RHBDL2: variants seen among roughly 807,000 people sequenced by gnomAD.
RHBDL2 encodes rhomboid-related protein 2.
In RHBDL2, 26 loss-of-function variants were observed where a neutral mutation model predicts 31.7. That is an observed-to-expected ratio of 0.82 (90% CI 0.60 to 1.14). The LOEUF (loss-of-function observed/expected upper bound fraction) is 1.14, where lower values mean the gene tolerates loss of function less well. Ranked by LOEUF, RHBDL2 falls within the 50% of genes most tolerant of loss-of-function variation. The pLI, the probability that RHBDL2 is intolerant of heterozygous loss-of-function variation, is 0.00. For missense variants in RHBDL2, 336 were observed against 364.4 expected (o/e 0.92, Z 0.63); for synonymous variants, 123 against 127.2 (o/e 0.97, Z 0.22).
intron 1 of RHBDL2, among the ~76,000 whole-genome samples, chr1:38,928,472 G>A (rs1321587372): frequency 1.3e-5 from 2 of 150,126 alleles, no homozygotes; most frequent in Non-Finnish European, 3.0e-5. Flanking sequence ...TTGAGACAGA[G>A]TTTCGCTCTT....
At chr1:38,922,769 G>T (rs1171516974) in intron 1 of RHBDL2, among the ~76,000 whole-genome samples, 1 of 151,032 alleles carries the variant, frequency 6.6e-6, no homozygotes, top group Non-Finnish European at 1.5e-5. Context: ...AATTTCTGAG[G>T]AAATATTACC....
rs141262588 is a variant in RHBDL2, at chr1:38,899,320, G to A, written c.509-3251C>T. Among the ~76,000 whole-genome samples the A allele has an allele frequency of 9.2e-5, 14 of 152,288 alleles. No homozygotes were observed. In the East Asian group the frequency reaches 1.9e-3, roughly 21 times the overall value. On this transcript the variant is annotated intron_variant, in intron 4 of 7. Transcript: ENST00000372990. The stretch of plus-strand genomic sequence containing the variant: ...GGGGCCAGGCAATCAGGGGCATGTC[G>A]CTAAGGTCAAAGGTGGGGCAGACCT...
At chr1:38,923,712 C>T (rs1228345111) in intron 1 of RHBDL2, among the ~76,000 whole-genome samples, 1 of 152,196 alleles carries the variant, frequency 6.6e-6, no homozygotes. Context: ...AACATCTGTC[C>T]ATTCATTTAC....
In RHBDL2 at chr1:38,899,749, C is replaced by T. The variant is rs561376244; in HGVS notation, c.509-3680G>A. ...GCCATCAAGGCCACCTGCCAACAGC[C>T]GAGAGCTGAGCTGCTGTGTTCCTGG... On this transcript the variant is annotated intron_variant, in intron 4 of 7. Transcript: ENST00000372990. Among the ~76,000 whole-genome samples, 229 of 152,342 alleles carry T rather than the reference C, an allele frequency of 1.5e-3. 2 individuals are homozygous for T. Among genetic ancestry groups the T allele is most frequent in the African/African-American group, 5.1e-3 (211 of 41,592 alleles).
At chr1:38,931,394 G>A (rs763384758) in intron 1 of RHBDL2, among the ~76,000 whole-genome samples, 93 of 152,168 alleles carry the variant, frequency 6.1e-4, no homozygotes, top group Non-Finnish European at 9.3e-4. Context: ...GTTGGCGGGC[G>A]CCTGTAGTCA....
Position 38,915,642 on chromosome 1 carries a change from G to A in RHBDL2, c.315C>T (p.Ile105=), listed in dbSNP as rs1169874572. 1.2e-6 allele frequency: 2 copies of A among 1,614,124 alleles called. No individual in the cohort carries two copies. The highest frequency in any genetic ancestry group is 2.2e-5 in the South Asian group (2 of 91,076). Residue 105 remains isoleucine, a synonymous_variant, in exon 3 of 8, where the codon ATC becomes ATT. Coordinates refer to ENST00000372990, the MANE Select transcript of RHBDL2 (RefSeq NM_017821.5). ...QKQWITLDTG[I]LESPFIYSPE... ...GACTGTAGATAAAGGGACTCTCCAA[G>A]ATGCCTGTGTCCAACGTGATCCACT... is the stretch of plus-strand genomic sequence containing the variant.
intron 1 of RHBDL2, among the ~76,000 whole-genome samples, chr1:38,933,710 C>G (rs1219440596): frequency 6.8e-6 from 1 of 146,860 alleles, no homozygotes; most frequent in Non-Finnish European, 1.5e-5. Flanking sequence ...AGTGTCATAC[C>G]TCACAGGTCT....
chr1:38,909,195 T>C (rs1643109622), intron 4 of RHBDL2, among the ~76,000 whole-genome samples: 1 of 152,036 alleles, frequency 6.6e-6, no homozygotes, highest in South Asian at 2.1e-4. Context: ...CAGGGTGGTA[T>C]TGGAAAATGC....
intron 6 of RHBDL2, among the ~76,000 whole-genome samples, chr1:38,888,249 T>C (rs1440755926): frequency 1.3e-5 from 2 of 152,130 alleles, no homozygotes; most frequent in South Asian, 2.1e-4. Context: ...CCAACAAGCA[T>C]TCATTGTCCT....
In RHBDL2 at chr1:38,911,442, G is replaced by C; in HGVS notation, c.396-8C>G. On this transcript the variant is annotated splice_polypyrimidine_tract_variant and splice_region_variant and intron_variant, in intron 3 of 7. Coordinates refer to ENST00000372990, the MANE Select transcript of RHBDL2 (RefSeq NM_017821.5). The stretch of plus-strand genomic sequence containing the variant: ...CCCAAGATGTGCTGAACTCTGCAAA[G>C]ACAAACAATAGTTGTCAAATATTAT... The C allele has an allele frequency of 6.3e-7, 1 of 1,578,342 alleles. No individual in the cohort carries two copies. Among genetic ancestry groups the C allele is most frequent in the Non-Finnish European group, 8.7e-7 (1 of 1,147,502 alleles).
intron 6 of RHBDL2, among the ~76,000 whole-genome samples, chr1:38,892,612 T>C (rs1480253914): frequency 1.3e-5 from 2 of 152,210 alleles, no homozygotes; most frequent in Non-Finnish European, 2.9e-5. Context: ...TGTTAGTGTC[T>C]GGGAAATGTG....
At chr1:38,908,141 C>G (rs965613655) in intron 4 of RHBDL2, among the ~76,000 whole-genome samples, 1 of 135,546 alleles carries the variant, frequency 7.4e-6, no homozygotes, top group Non-Finnish European at 1.6e-5. Flanking sequence ...CAATGCATCT[C>G]AGAATGTTCC....
At chr1:38,895,532 G>A (rs999923591) in intron 5 of RHBDL2, among the ~76,000 whole-genome samples, 3 of 152,106 alleles carry the variant, frequency 2.0e-5, no homozygotes, top group Non-Finnish European at 2.9e-5. Flanking sequence ...AGCTAGGTGC[G>A]GCAGCTCACG....
intron 4 of RHBDL2, among the ~76,000 whole-genome samples, chr1:38,905,181 C>A (rs2124317713): frequency 6.6e-6 from 1 of 151,302 alleles, no homozygotes; most frequent in South Asian, 2.1e-4. Flanking sequence ...CACCTGAGAT[C>A]AGGAGTTCGA....
chr1:38,925,995 A>G, intron 1 of RHBDL2: 1 of 1,272,954 alleles, frequency 7.9e-7, no homozygotes, highest in Non-Finnish European at 1.0e-6. Context: ...AAAGACTTCC[A>G]GTGGATTCTT....
At chr1:38,926,952 A>G (rs1643384437) in intron 1 of RHBDL2, 1 of 152,416 alleles carries the variant, frequency 6.6e-6, no homozygotes, top group Non-Finnish European at 1.5e-5. Context: ...GATGACACGC[A>G]AATTCGTGAA....
At chr1:38,897,588 G>A (rs1021415459) in intron 4 of RHBDL2, among the ~76,000 whole-genome samples, 10 of 152,012 alleles carry the variant, frequency 6.6e-5, no homozygotes, top group South Asian at 2.1e-4. Flanking sequence ...GGTGGTACCC[G>A]CCTGTGGTCC....
chr1:38,920,292 C>A (rs1188142491), intron 1 of RHBDL2, among the ~76,000 whole-genome samples: 4 of 150,144 alleles, frequency 2.7e-5, no homozygotes, highest in Non-Finnish European at 5.9e-5. Flanking sequence ...CTCAGCCTAC[C>A]AAGTAGCTGG....
intron 2 of RHBDL2, 106 bp from the exon 3 acceptor site, chr1:38,915,816 GC>G: frequency 9.8e-7 from 1 of 1,024,218 alleles, no homozygotes; most frequent in Non-Finnish European, 1.5e-6. Context: ...TCTCAAGTGG[GC>G]CACACCATAG....
Sources: gnomAD v4.1 joint callset for allele counts (sites outside exome capture counted in the v4.1 genomes callset) on GRCh38, gnomAD v4.1.1 for gene constraint, MANE v1.5 for transcripts, NCBI Gene and HGNC (gene_info 2026-07-23, HGNC 2026-07-21) for gene names.